Variants in NELL1 observed in about 807,000 individuals in gnomAD.
The protein encoded by NELL1 is neural EGFL like 1.
In NELL1, 76 loss-of-function variants were observed where a neutral mutation model predicts 107.4. The observed-to-expected ratio is 0.71, with a 90% CI of 0.59 to 0.86. NELL1 has a LOEUF of 0.86. Ranked by LOEUF, NELL1 falls within the 40% of genes least tolerant of loss-of-function variation. The pLI is 0.00. For missense variants in NELL1, 1,024 were observed against 1,005.5 expected, an observed-to-expected ratio of 1.02 and a Z score of -0.25; for synonymous variants, 353 against 341.2, an observed-to-expected ratio of 1.03 and a Z score of -0.38.
intron 14 of NELL1, among the ~76,000 whole-genome samples, chr11:21,230,881 A>G (rs1858030399): frequency 1.3e-5 from 2 of 152,168 alleles, no homozygotes; most frequent in Admixed American, 6.5e-5. Flanking sequence ...GATTCCATCA[A>G]TTTTACCTCT....
rs375046914 is a variant in NELL1, at chr11:21,099,848, A to G, written c.1301-13741A>G. Among the ~76,000 whole-genome samples the G allele has an allele frequency of 2.6e-5, 4 of 152,172 alleles. No homozygotes were observed. In the East Asian group the frequency reaches 7.7e-4, roughly 29 times the overall value. ...TTTCTTGTCCTCTGAGTGAAAAGAA[A>G]TACAGGCCTGGGATTGGTACCCTTT... On this transcript the variant is annotated intron_variant, in intron 12 of 19. Coordinates refer to ENST00000357134, the MANE Select transcript of NELL1 (RefSeq NM_006157.5).
chr11:20,982,473 G>C (rs780855493), intron 12 of NELL1, among the ~76,000 whole-genome samples: 1 of 152,160 alleles, frequency 6.6e-6, no homozygotes, highest in African/African-American at 2.4e-5. Context: ...GTCCCTATTT[G>C]CTGCTATCTG....
chr11:20,925,311 C>T (rs922146790), intron 7 of NELL1, among the ~76,000 whole-genome samples: 17 of 151,908 alleles, frequency 1.1e-4, no homozygotes, highest in Admixed American at 3.9e-4. Flanking sequence ...GATGGAGTAT[C>T]GCTCTGTTGC....
intron 12 of NELL1, among the ~76,000 whole-genome samples, chr11:21,108,163 C>G (rs565791602): frequency 6.6e-6 from 1 of 152,224 alleles, no homozygotes; most frequent in Non-Finnish European, 1.5e-5. Flanking sequence ...ATATCCCTCC[C>G]TGGGTTCTTT....
intron 9 of NELL1, among the ~76,000 whole-genome samples, chr11:20,929,743 C>T (rs56292040): frequency 0.025 from 3,790 of 151,924 alleles, 168 homozygotes; most frequent in African/African-American, 0.087. Context: ...AGGCCGAGGC[C>T]GTCGGATCAC....
chr11:21,057,783 A>G (rs1853646386), intron 12 of NELL1, among the ~76,000 whole-genome samples: 1 of 152,042 alleles, frequency 6.6e-6, no homozygotes, highest in South Asian at 2.1e-4. Flanking sequence ...GATTATGGAT[A>G]GTTTTTAAAA....
chr11:20,865,923 G>T (rs1448151248), intron 4 of NELL1, among the ~76,000 whole-genome samples: 1 of 152,086 alleles, frequency 6.6e-6, no homozygotes, highest in East Asian at 1.9e-4. Context: ...AGAAACCCTG[G>T]CTCACTCTCT....
intron 13 of NELL1, among the ~76,000 whole-genome samples, chr11:21,204,772 T>C (rs530824637): frequency 3.9e-5 from 6 of 152,152 alleles, no homozygotes; most frequent in Non-Finnish European, 5.9e-5. Context: ...TGTTCTTTGA[T>C]GTTGGAGACC....
intron 13 of NELL1, among the ~76,000 whole-genome samples, chr11:21,154,317 G>T (rs564391718): frequency 6.6e-6 from 1 of 152,294 alleles, no homozygotes; most frequent in South Asian, 2.1e-4. Flanking sequence ...TACCCTGGAG[G>T]ATGGTGATAT....
intron 15 of NELL1, among the ~76,000 whole-genome samples, chr11:21,373,053 C>G (rs1851392969): frequency 6.6e-6 from 1 of 152,014 alleles, no homozygotes; most frequent in Non-Finnish European, 1.5e-5. Context: ...ATTGCATATT[C>G]TTGAACTCTT....
At chr11:21,434,143 T>C (rs1853042929) in intron 15 of NELL1, among the ~76,000 whole-genome samples, 1 of 152,214 alleles carries the variant, frequency 6.6e-6, no homozygotes, top group Admixed American at 6.5e-5. Flanking sequence ...CTACAGGTTG[T>C]GTCTTCACTC....
intron 15 of NELL1, among the ~76,000 whole-genome samples, chr11:21,428,325 G>T (rs61260533): frequency 0.08 from 12,156 of 152,120 alleles, 1,105 homozygotes; most frequent in African/African-American, 0.21. Flanking sequence ...AAATTAATCA[G>T]CATTAGTACA....
rs539936667 is a variant in NELL1 at position 21,503,393 on chromosome 11, G to A, written c.1646-30981G>A. Among the ~76,000 whole-genome samples the A allele has an allele frequency of 3.3e-5, 5 of 152,206 alleles. No homozygotes were observed. In the East Asian group the frequency reaches 9.7e-4, roughly 29 times the overall value. ...CTAGACCAATGTTAAGACGCGCTAG[G>A]ACAAAAATCAAATAAGCCAAATGTG... On this transcript the variant is annotated intron_variant, in intron 15 of 19. Coordinates refer to ENST00000357134, the MANE Select transcript of NELL1 (RefSeq NM_006157.5).
intron 14 of NELL1, among the ~76,000 whole-genome samples, chr11:21,248,707 G>T (rs896032898): frequency 6.6e-6 from 1 of 152,106 alleles, no homozygotes; most frequent in Admixed American, 6.5e-5. Context: ...TTCCTTCTGG[G>T]ACCCACCCGT....
At chr11:21,157,620 A>G (rs1223796154) in intron 13 of NELL1, among the ~76,000 whole-genome samples, 1 of 152,158 alleles carries the variant, frequency 6.6e-6, no homozygotes, top group Non-Finnish European at 1.5e-5. Context: ...TAGTTGTTCA[A>G]TTTTGAATTC....
At chr11:20,713,370 G>T (rs1590226898) in intron 2 of NELL1, among the ~76,000 whole-genome samples, 2 of 152,150 alleles carry the variant, frequency 1.3e-5, no homozygotes, top group East Asian at 1.9e-4. Context: ...AGGGGCGGTG[G>T]TTCTCAGGCC....
At chr11:20,806,943 C>T (rs568665116) in intron 3 of NELL1, among the ~76,000 whole-genome samples, 52 of 152,230 alleles carry the variant, frequency 3.4e-4, no homozygotes, top group Non-Finnish European at 6.0e-4. Flanking sequence ...TGAATTCCTT[C>T]TCTGCGTTAT....
chr11:21,169,401 C>G lies in NELL1; in HGVS notation c.1426+55687C>G, dbSNP rs369987612. Among the ~76,000 whole-genome samples, 5 of 151,766 alleles carry G rather than the reference C, an allele frequency of 3.3e-5. 1 individual carries two copies. Among genetic ancestry groups the G allele is most frequent in the African/African-American group, 1.2e-4 (5 of 41,078 alleles). ...TTGTGTATCTGGTAACCATGTTTCT[C>G]ATTTTCATTTGACTCTTAGGAAGCT... On this transcript the variant is annotated intron_variant, in intron 13 of 19. Coordinates refer to ENST00000357134, the MANE Select transcript of NELL1 (RefSeq NM_006157.5).
intron 3 of NELL1, among the ~76,000 whole-genome samples, chr11:20,844,687 C>T (rs1276346844): frequency 6.6e-6 from 1 of 152,160 alleles, no homozygotes; most frequent in African/African-American, 2.4e-5. Context: ...ACCAGCTGGC[C>T]AGGAAGTAAG....
Sources: gnomAD v4.1 joint callset for allele counts (sites outside exome capture counted in the v4.1 genomes callset) on GRCh38, gnomAD v4.1.1 for gene constraint, MANE v1.5 for transcripts, NCBI Gene and HGNC (gene_info 2026-07-23, HGNC 2026-07-21) for gene names.